TXLNB: variants seen among roughly 807,000 people sequenced by gnomAD.
TXLNB encodes the protein beta-taxilin.
A neutral mutation model predicts 57.4 loss-of-function variants in TXLNB; 37 were observed. The ratio of observed to expected loss-of-function variants is 0.64; its 90% confidence interval spans 0.50 to 0.85. The LOEUF is 0.85. Ranked by LOEUF, TXLNB falls within the 40% of genes least tolerant of loss-of-function variation. TXLNB has a pLI of 0.00. For synonymous variants in TXLNB, 302 were observed against 309.6 expected, an observed-to-expected ratio of 0.98 and a Z score of 0.26; for missense variants, 848 against 825.6, an observed-to-expected ratio of 1.03 and a Z score of -0.33.
chr6:139,182,126 A>G, the TXLNB span, among the ~76,000 whole-genome samples: 7,186 of 152,290 alleles, frequency 0.047, 178 homozygotes, highest in African/African-American at 0.065. Context: ...CTTCAATTCA[A>G]ATATCATTCT....
chr6:139,283,022 G>C (rs564933796), intron 2 of TXLNB: 4 of 145,610 alleles, frequency 2.7e-5, no homozygotes, highest in Admixed American at 2.0e-4. Context: ...GATGCGAGTA[G>C]GAGAACAAAG....
At chr6:139,247,186 A>G (rs906447479) in intron 8 of TXLNB, among the ~76,000 whole-genome samples, 1 of 152,304 alleles carries the variant, frequency 6.6e-6, no homozygotes, top group Non-Finnish European at 1.5e-5. Flanking sequence ...TCTGTTGCCC[A>G]GGCTAGAGTG....
At chr6:139,320,056 CTT>C in the TXLNB span, among the ~76,000 whole-genome samples, 1 of 151,932 alleles carries the variant, frequency 6.6e-6, no homozygotes, top group South Asian at 2.1e-4. Flanking sequence ...TATTTTATAT[CTT>C]GTTTTAAATT....
the TXLNB span, among the ~76,000 whole-genome samples, chr6:139,217,864 C>CAAAA: frequency 1.2e-4 from 6 of 51,908 alleles, no homozygotes; most frequent in East Asian, 5.8e-4. Context: ...GCAAGAGTCT[C>CAAAA]AAAAAAAAAA....
intron 7 of TXLNB, among the ~76,000 whole-genome samples, chr6:139,253,680 A>G (rs1776265928): frequency 6.6e-6 from 1 of 152,142 alleles, no homozygotes; most frequent in South Asian, 2.1e-4. Flanking sequence ...TAAGGGGGAA[A>G]TTAGATCAAA....
the TXLNB span, among the ~76,000 whole-genome samples, chr6:139,190,728 ATAATC>A: frequency 1.3e-5 from 2 of 152,294 alleles, no homozygotes; most frequent in South Asian, 2.1e-4. Context: ...CAGAATCCTG[ATAATC>A]TAATGACCTC....
the TXLNB span, among the ~76,000 whole-genome samples, chr6:139,228,707 A>C: frequency 1.3e-5 from 2 of 152,086 alleles, no homozygotes; most frequent in Non-Finnish European, 2.9e-5. Context: ...AAAAAAACCC[A>C]ATAGCTAGGT....
chr6:139,214,675 G>A, the TXLNB span, among the ~76,000 whole-genome samples: 1 of 152,180 alleles, frequency 6.6e-6, no homozygotes, highest in African/African-American at 2.4e-5. Flanking sequence ...ATTAGGAAAA[G>A]AGGAAGTCAA....
At chr6:139,164,992 G>C in the TXLNB span, among the ~76,000 whole-genome samples, 1 of 152,120 alleles carries the variant, frequency 6.6e-6, no homozygotes, top group South Asian at 2.1e-4. Context: ...AATATCCCAA[G>C]CTGTGTCACA....
the TXLNB span, among the ~76,000 whole-genome samples, chr6:139,173,424 TA>T: frequency 6.6e-6 from 1 of 152,224 alleles, no homozygotes; most frequent in African/African-American, 2.4e-5. Flanking sequence ...CTAAGTACTG[TA>T]GATGGAACAT....
chr6:139,292,254 A>T (rs1777319286), upstream of TXLNB: 1 of 152,218 alleles, frequency 6.6e-6, no homozygotes, highest in Non-Finnish European at 1.5e-5. The surrounding 1 kb of genome is among the most constrained non-coding windows in gnomAD (Gnocchi z 4.0). Context: ...CAGCTGGAAG[A>T]TCTCATTAGA....
intron 3 of TXLNB, among the ~76,000 whole-genome samples, chr6:139,272,052 T>C (rs1231628743): frequency 6.6e-6 from 1 of 152,180 alleles, no homozygotes; most frequent in Non-Finnish European, 1.5e-5. Flanking sequence ...CTCATGCCTG[T>C]AATCCCTGCA....
At chr6:139,217,856 AAG>A in the TXLNB span, among the ~76,000 whole-genome samples, 1 of 144,328 alleles carries the variant, frequency 6.9e-6, no homozygotes, top group African/African-American at 2.7e-5. Context: ...GCGACAGAGC[AAG>A]AGTCTCAAAA....
At chr6:139,251,657 T>C (rs1444292658) in intron 7 of TXLNB, 3 of 152,218 alleles carry the variant, frequency 2.0e-5, no homozygotes, top group Non-Finnish European at 4.4e-5. Flanking sequence ...AACTCTTCTA[T>C]GATTAGAACA....
At chr6:139,167,088 A>G in the TXLNB span, 1 of 1,614,214 alleles carries the variant, frequency 6.2e-7, no homozygotes, top group Non-Finnish European at 8.5e-7. Flanking sequence ...ATCCCCAGGC[A>G]TAAGCTGAAC....
intron 1 of TXLNB, among the ~76,000 whole-genome samples, chr6:139,291,160 C>A (rs1437723366): frequency 1.3e-5 from 2 of 152,324 alleles, no homozygotes; most frequent in South Asian, 2.1e-4. Flanking sequence ...ACGGCACCTG[C>A]TGTCCAGCCA....
At chr6:139,309,123 A>G in the TXLNB span, among the ~76,000 whole-genome samples, 3 of 152,192 alleles carry the variant, frequency 2.0e-5, no homozygotes, top group Non-Finnish European at 4.4e-5. Context: ...AGCAGAGGTT[A>G]TTTCCTGGGG....
the TXLNB span, among the ~76,000 whole-genome samples, chr6:139,201,376 G>A: frequency 5.3e-5 from 8 of 152,142 alleles, no homozygotes. Flanking sequence ...CAGGAGAGAT[G>A]ATAGACAAAT....
the TXLNB span, among the ~76,000 whole-genome samples, chr6:139,171,195 C>T: frequency 2.6e-5 from 4 of 151,448 alleles, no homozygotes; most frequent in Non-Finnish European, 5.9e-5. Flanking sequence ...GGTTAAAATC[C>T]TAAGGGTGGA....
Sources: allele counts gnomAD v4.1 joint callset (sites outside exome capture counted in the v4.1 genomes callset), GRCh38; gene constraint gnomAD v4.1.1; non-coding constraint Gnocchi (gnomAD v3.1); transcripts MANE v1.5; gene names NCBI Gene and HGNC (gene_info 2026-07-23, HGNC 2026-07-21).